PPP1R14C: variants seen among roughly 807,000 people sequenced by gnomAD.
The protein encoded by PPP1R14C is protein phosphatase 1 regulatory subunit 14C.
PPP1R14C carries 16 observed loss-of-function variants against 20.4 expected under a neutral mutation model. That is an observed-to-expected ratio of 0.78 (90% CI 0.53 to 1.19). The LOEUF is 1.19. PPP1R14C is among the 50% of genes most tolerant of loss of function. The probability of loss-of-function intolerance (pLI) is 0.00; values close to 1 mark genes in which losing one functional copy is unlikely to be tolerated. For missense variants in PPP1R14C, 211 were observed against 220.1 expected (o/e 0.96, Z 0.26); for synonymous variants, 91 against 91.0 (o/e 1.00, Z 0.00).
chr6:150,149,299 ATGTGTGTG>A lies in PPP1R14C; in HGVS notation c.306+5819_306+5826del, dbSNP rs141854673. Reference sequence around the variant, plus strand: ...TCTGAGCCTCACTTTCTCCATACATATGTGTGTGTGTGTGTGTGTGTGTGTATGTGTGT... The same window carrying A: ...TCTGAGCCTCACTTTCTCCATACATATGTGTGTGTGTGTGTGTATGTGTGT... On this transcript the variant is annotated intron_variant, in intron 1 of 3. Transcript: ENST00000361131. Among the ~76,000 whole-genome samples the A allele has an allele frequency of 9.1e-3, 1,339 of 147,446 alleles. 8 individuals are homozygous for A. The highest frequency in any genetic ancestry group is 0.031 in the Middle Eastern group (9 of 288).
Position 150,185,889 on chromosome 6 carries a change from A to G in PPP1R14C, c.307-28855A>G, listed in dbSNP as rs972336193. ...GTGGCCATGACTAGCAAGGCAGGCA[A>G]GGGTCAGGCGTGGCACCTATCGGCT... is the stretch of plus-strand genomic sequence containing the variant. On this transcript the variant is annotated intron_variant, in intron 1 of 3. Coordinates refer to ENST00000361131, the MANE Select transcript of PPP1R14C (RefSeq NM_030949.3). The surrounding 1 kb of genome is among the most constrained non-coding windows in gnomAD (Gnocchi z 4.1). Among the ~76,000 whole-genome samples, 2 of 152,202 alleles carry G rather than the reference A, an allele frequency of 1.3e-5. No individual in the cohort carries two copies. The highest frequency in any genetic ancestry group is 2.9e-5 in the Non-Finnish European group (2 of 68,026).
At chr6:150,196,043 G>C in intron 1 of PPP1R14C, 1 of 985,146 alleles carries the variant, frequency 1.0e-6, no homozygotes. Flanking sequence ...CTCCTCTCTT[G>C]TGTCAGAGAG....
At chr6:150,184,411 CCAT>C (rs977327114) in intron 1 of PPP1R14C, among the ~76,000 whole-genome samples, 7 of 152,150 alleles carry the variant, frequency 4.6e-5, no homozygotes, top group African/African-American at 1.7e-4. Context: ...GAGCAATAGG[CCAT>C]ACCCTACAGC....
At chr6:150,154,645 T>C (rs1412242730) in intron 1 of PPP1R14C, among the ~76,000 whole-genome samples, 1 of 152,184 alleles carries the variant, frequency 6.6e-6, no homozygotes, top group African/African-American at 2.4e-5. Context: ...GAGACAAGGA[T>C]TAGACTAGTT....
rs114688798 is a variant in PPP1R14C, at chr6:150,185,424, C to T, written c.307-29320C>T. ...TCGATTTCCTGACTGCTCGTCTTGCCATGGGGACCATCCTTGCATTAACCA... is the reference window on the plus strand; with the variant it reads ...TCGATTTCCTGACTGCTCGTCTTGCTATGGGGACCATCCTTGCATTAACCA... On this transcript the variant is annotated intron_variant, in intron 1 of 3. Transcript: ENST00000361131. The surrounding 1 kb of genome is among the most constrained non-coding windows in gnomAD (Gnocchi z 4.1). Among the ~76,000 whole-genome samples, 1,078 of 152,208 alleles carry T rather than the reference C, an allele frequency of 7.1e-3. 11 individuals are homozygous for T. Among genetic ancestry groups the T allele is most frequent in the African/African-American group, 0.024 (1,014 of 41,548 alleles).
intron 3 of PPP1R14C, among the ~76,000 whole-genome samples, chr6:150,229,764 A>G (rs1476887860): frequency 2.6e-5 from 4 of 152,182 alleles, no homozygotes; most frequent in African/African-American, 9.7e-5. Context: ...GCAGCCACAA[A>G]CCCTTACCCA....
intron 1 of PPP1R14C, among the ~76,000 whole-genome samples, chr6:150,202,378 G>A (rs1582916049): frequency 6.6e-6 from 1 of 152,204 alleles, no homozygotes; most frequent in South Asian, 2.1e-4. Flanking sequence ...CCTTGCCTCA[G>A]GCTGTCCTGG....
chr6:150,155,822 T>G (rs895080470), intron 1 of PPP1R14C, among the ~76,000 whole-genome samples: 3 of 151,406 alleles, frequency 2.0e-5, no homozygotes, highest in African/African-American at 7.3e-5. Context: ...GTCAGGAGTT[T>G]GAGACCAGCC....
At chr6:150,233,791 C>T (rs984526521) in intron 3 of PPP1R14C, among the ~76,000 whole-genome samples, 29 of 152,160 alleles carry the variant, frequency 1.9e-4, no homozygotes, top group African/African-American at 6.8e-4. Context: ...ATTTTCCACC[C>T]CTCTTTTTCC....
At chr6:150,248,355 T>C (rs766187393) in intron 3 of PPP1R14C, among the ~76,000 whole-genome samples, 9 of 152,172 alleles carry the variant, frequency 5.9e-5, no homozygotes, top group Non-Finnish European at 1.2e-4. Flanking sequence ...GCATCACCTG[T>C]GAGCTAGTTG....
At chr6:150,155,968 T>C (rs1181627485) in intron 1 of PPP1R14C, among the ~76,000 whole-genome samples, 1 of 129,696 alleles carries the variant, frequency 7.7e-6, no homozygotes, top group East Asian at 2.2e-4. Context: ...GAGACCGTAG[T>C]GAGCCAAGAT....
chr6:150,204,079 G>A (rs1353081962), intron 1 of PPP1R14C, among the ~76,000 whole-genome samples: 4 of 152,220 alleles, frequency 2.6e-5, no homozygotes, highest in African/African-American at 9.6e-5. Flanking sequence ...AGGGCCCTGA[G>A]AAGAGAGGCT....
At chr6:150,225,691 C>T (rs994746052) in intron 3 of PPP1R14C, among the ~76,000 whole-genome samples, 4 of 152,304 alleles carry the variant, frequency 2.6e-5, no homozygotes, top group African/African-American at 9.6e-5. Flanking sequence ...AATAGATTGA[C>T]ACCATTGTTG....
chr6:150,226,706 TA>T (rs1315069013), intron 3 of PPP1R14C, among the ~76,000 whole-genome samples: 1 of 151,832 alleles, frequency 6.6e-6, no homozygotes, highest in Non-Finnish European at 1.5e-5. Flanking sequence ...TCCATGCATT[TA>T]TTTTTTTTTT....
chr6:150,248,160 C>T (rs927393099), intron 3 of PPP1R14C, among the ~76,000 whole-genome samples: 2 of 152,228 alleles, frequency 1.3e-5, no homozygotes. Context: ...ATCCGAACTA[C>T]CTCCCAAAGG....
chr6:150,166,810 T>C (rs1161052721), intron 1 of PPP1R14C, among the ~76,000 whole-genome samples: 1 of 152,220 alleles, frequency 6.6e-6, no homozygotes, highest in Non-Finnish European at 1.5e-5. Flanking sequence ...TTAGTTAATA[T>C]CATGTCCAAT....
intron 1 of PPP1R14C, among the ~76,000 whole-genome samples, chr6:150,214,521 C>G (rs571824281): frequency 6.6e-5 from 10 of 151,542 alleles, no homozygotes; most frequent in Non-Finnish European, 1.5e-4. Flanking sequence ...CCCTCCTTCC[C>G]TTTTCCTGTC....
intron 1 of PPP1R14C, among the ~76,000 whole-genome samples, chr6:150,203,529 C>A (rs1364979895): frequency 2.0e-5 from 3 of 152,156 alleles, no homozygotes; most frequent in Non-Finnish European, 4.4e-5. Flanking sequence ...TTCTGTGCAC[C>A]TGCCCGTACT....
rs1778534206 is a variant in PPP1R14C at position 150,249,337 on chromosome 6, G to A, written c.*517G>A. The A allele has an allele frequency of 2.5e-6, 1 of 399,048 alleles. No individual in the cohort carries two copies. Among genetic ancestry groups the A allele is most frequent in the African/African-American group, 2.1e-5 (1 of 48,752 alleles). The allele number at this position is 399,048 out of a possible 1,614,324, so 24.7% of individuals were successfully genotyped here. A position where few individuals can be genotyped will look rare whatever the true frequency, so the allele number is the denominator to read the frequency against. ...AACTTGTGGTTGTCCTTTAACTGGA[G>A]GTCCCAGCACATGTGTTTTCAAGAG... On this transcript the variant is annotated 3_prime_UTR_variant, in exon 4 of 4. Coordinates refer to ENST00000361131, the MANE Select transcript of PPP1R14C (RefSeq NM_030949.3).
Sources: gnomAD v4.1 joint callset for allele counts (sites outside exome capture counted in the v4.1 genomes callset) on GRCh38, gnomAD v4.1.1 for gene constraint, Gnocchi (gnomAD v3.1) non-coding constraint, MANE v1.5 for transcripts, NCBI Gene and HGNC (gene_info 2026-07-23, HGNC 2026-07-21) for gene names.